BMP6: variants seen among roughly 807,000 people sequenced by gnomAD.
BMP6 encodes VG-1-R.
BMP6 carries 17 observed loss-of-function variants against 54.1 expected under a neutral mutation model. The observed-to-expected ratio is 0.31, with a 90% CI of 0.22 to 0.47. The LOEUF (loss-of-function observed/expected upper bound fraction) is 0.47. Ranked by LOEUF, BMP6 falls within the 20% of genes least tolerant of loss-of-function variation. The pLI is 1.00. For missense variants in BMP6, 720 were observed against 690.4 expected (o/e 1.04, Z -0.48); for synonymous variants, 328 against 291.2 (o/e 1.13, Z -1.28).
chr6:7,760,705 T>C (rs1403955021), intron 1 of BMP6, among the ~76,000 whole-genome samples: 1 of 152,170 alleles, frequency 6.6e-6, no homozygotes, highest in Non-Finnish European at 1.5e-5. Context: ...TGACCTCAGG[T>C]GATCTGCCTG....
At chr6:7,775,608 G>T (rs997252722) in intron 1 of BMP6, among the ~76,000 whole-genome samples, 25 of 152,226 alleles carry the variant, frequency 1.6e-4, no homozygotes, top group African/African-American at 5.8e-4. Context: ...GTGTCCGCCT[G>T]CCTGTTGTCA....
chr6:7,808,783 A>G (rs941962853), intron 1 of BMP6, among the ~76,000 whole-genome samples: 3 of 151,862 alleles, frequency 2.0e-5, no homozygotes, highest in Admixed American at 1.3e-4. Flanking sequence ...GTGTGGTGGC[A>G]TGCTTTTGTG....
At chr6:7,774,403 A>AGCGGGGCATGGT (rs1757833612) in intron 1 of BMP6, among the ~76,000 whole-genome samples, 2 of 152,230 alleles carry the variant, frequency 1.3e-5, no homozygotes, top group South Asian at 4.1e-4. Context: ...TACAAAAACT[A>AGCGGGGCATGGT]GCTGGGCATG....
chr6:7,782,294 G>A (rs1289034062), intron 1 of BMP6, among the ~76,000 whole-genome samples: 1 of 152,192 alleles, frequency 6.6e-6, no homozygotes, highest in Non-Finnish European at 1.5e-5. Flanking sequence ...GCATGCTCGT[G>A]TTGAGTTTGA....
intron 1 of BMP6, among the ~76,000 whole-genome samples, chr6:7,794,857 C>A (rs1489442473): frequency 1.3e-5 from 2 of 151,974 alleles, no homozygotes; most frequent in Non-Finnish European, 2.9e-5. Context: ...AAGAAGAGAA[C>A]ATGGAGGAAG....
At chr6:7,841,052 C>T (rs1758961198) in intron 1 of BMP6, among the ~76,000 whole-genome samples, 1 of 152,222 alleles carries the variant, frequency 6.6e-6, no homozygotes, top group African/African-American at 2.4e-5. Context: ...ATGATTATCA[C>T]AGCTAACATT....
At chr6:7,802,730 G>A (rs1758289328) in intron 1 of BMP6, among the ~76,000 whole-genome samples, 1 of 152,210 alleles carries the variant, frequency 6.6e-6, no homozygotes, top group Admixed American at 6.5e-5. Flanking sequence ...GATGGACTGA[G>A]ACTTGTCCTT....
intron 1 of BMP6, among the ~76,000 whole-genome samples, chr6:7,807,382 C>T (rs1363064428): frequency 6.6e-6 from 1 of 152,046 alleles, no homozygotes; most frequent in Non-Finnish European, 1.5e-5. Context: ...GAACCTCCAC[C>T]TTCCAGTTTC....
chr6:7,736,471 G>C (rs1266438400), intron 1 of BMP6, among the ~76,000 whole-genome samples: 1 of 152,152 alleles, frequency 6.6e-6, no homozygotes, highest in Non-Finnish European at 1.5e-5. Flanking sequence ...TATCGTACTG[G>C]CCCTAAGGGC....
At chr6:7,877,174 T>C (rs1759634447) in intron 4 of BMP6, among the ~76,000 whole-genome samples, 1 of 152,176 alleles carries the variant, frequency 6.6e-6, no homozygotes. Flanking sequence ...TTCTCTGGGG[T>C]CCTTAAAGTT....
intron 1 of BMP6, among the ~76,000 whole-genome samples, chr6:7,837,687 A>G (rs1758895271): frequency 6.6e-6 from 1 of 152,050 alleles, no homozygotes; most frequent in South Asian, 2.1e-4. Flanking sequence ...TATTGGGTTC[A>G]GTGTACACTG....
chr6:7,779,764 ATTC>A (rs1253276044), intron 1 of BMP6, among the ~76,000 whole-genome samples: 2 of 152,130 alleles, frequency 1.3e-5, no homozygotes, highest in Non-Finnish European at 2.9e-5. Context: ...TGAGGCCATT[ATTC>A]TTATTTTAGA....
intron 1 of BMP6, among the ~76,000 whole-genome samples, chr6:7,772,013 G>T (rs560224869): frequency 3.7e-4 from 55 of 148,636 alleles, no homozygotes; most frequent in Non-Finnish European, 1.0e-4. Context: ...GAGATTGTGC[G>T]ATTGCACTCC....
chr6:7,861,362 C>A, intron 2 of BMP6, 89 bp from the exon 3 acceptor site: 1 of 1,510,204 alleles, frequency 6.6e-7, no homozygotes, highest in Non-Finnish European at 9.0e-7. Flanking sequence ...CTGACTCGGG[C>A]ATGTTTTATC....
chr6:7,813,669 ACCCAC>A (rs1333184933), intron 1 of BMP6, among the ~76,000 whole-genome samples: 2 of 25,992 alleles, frequency 7.7e-5, no homozygotes, highest in African/African-American at 3.1e-4. Flanking sequence ...AAAAAAAAAA[ACCCAC>A]CAAACCCAGT....
intron 1 of BMP6, among the ~76,000 whole-genome samples, chr6:7,786,725 CAGAA>C (rs1457976628): frequency 6.6e-6 from 1 of 152,074 alleles, no homozygotes; most frequent in Non-Finnish European, 1.5e-5. Context: ...TGAGAATACA[CAGAA>C]AGAAGAAGGA....
intron 1 of BMP6, among the ~76,000 whole-genome samples, chr6:7,763,278 T>A (rs1561764097): frequency 1.3e-5 from 2 of 152,214 alleles, no homozygotes; most frequent in South Asian, 2.1e-4. Context: ...CATACCCCTT[T>A]ACTTTGAAAC....
At chr6:7,863,848 A>G (rs571524392) in intron 4 of BMP6, among the ~76,000 whole-genome samples, 1 of 151,994 alleles carries the variant, frequency 6.6e-6, no homozygotes, top group African/African-American at 2.4e-5. Flanking sequence ...GTGAAACCCC[A>G]TCCCTACTAA....
intron 1 of BMP6, among the ~76,000 whole-genome samples, chr6:7,744,590 C>T (rs577682038): frequency 1.3e-5 from 2 of 152,290 alleles, no homozygotes; most frequent in Non-Finnish European, 2.9e-5. Flanking sequence ...ATGAAATGCA[C>T]ATTTCTTAAG....
Sources: allele counts gnomAD v4.1 joint callset (sites outside exome capture counted in the v4.1 genomes callset), GRCh38; gene constraint gnomAD v4.1.1; transcripts MANE v1.5; gene names NCBI Gene and HGNC (gene_info 2026-07-23, HGNC 2026-07-21).